KCNAB2: variants seen among roughly 807,000 people sequenced by gnomAD.
KCNAB2 encodes the protein potassium voltage-gated channel subfamily A regulatory beta subunit 2, also known as voltage-gated potassium channel subunit beta-2.
KCNAB2 carries 29 observed loss-of-function variants against 63.6 expected under a neutral mutation model. The ratio of observed to expected loss-of-function variants is 0.46; its 90% CI spans 0.34 to 0.62. The LOEUF (loss-of-function observed/expected upper bound fraction) is 0.62, where lower values mean the gene tolerates loss of function less well. Ranked by LOEUF, KCNAB2 falls within the 20% of genes least tolerant of loss-of-function variation. The pLI, the probability that KCNAB2 is intolerant of heterozygous loss-of-function variation, is 0.01. For missense variants in KCNAB2, 359 were observed against 563.9 expected (o/e 0.64, Z 3.68); for synonymous variants, 222 against 224.2 (o/e 0.99, Z 0.09).
In KCNAB2 at chr1:6,028,120, C is replaced by T. The variant is rs183943219; in HGVS notation, c.-52-12397C>T. 6.6e-6 allele frequency among the ~76,000 whole-genome samples: 1 copy of T among 152,340 alleles called. No individual in the cohort carries two copies. Among genetic ancestry groups the T allele is most frequent in the East Asian group, 1.9e-4 (1 of 5,188 alleles). ...CCAACGGCCCCCTAGGGTCTTGACC[C>T]CAGTGCACTCAGAGTCAGCACCTGC... On this transcript the variant is annotated intron_variant, in intron 1 of 16. Transcript: ENST00000341524. The surrounding 1 kb of genome is among the most constrained non-coding windows in gnomAD (Gnocchi z 4.0).
intron 1 of KCNAB2, among the ~76,000 whole-genome samples, chr1:5,999,908 C>A (rs934905259): frequency 1.4e-5 from 2 of 143,652 alleles, no homozygotes; most frequent in African/African-American, 5.4e-5. Context: ...GTCGTCTGTG[C>A]CCTGTCTGTG....
chr1:6,096,844 C>G lies in KCNAB2; in HGVS notation c.1069+88C>G. 7.0e-7 allele frequency: 1 copy of G among 1,424,312 alleles called. No individual in the cohort carries two copies. The highest frequency in any genetic ancestry group is 9.3e-7 in the Non-Finnish European group (1 of 1,072,308). The allele number at this position is 1,424,312 out of a possible 1,614,324, so 88.2% of individuals were successfully genotyped here. On this transcript the variant is annotated intron_variant, in intron 14 of 15. Coordinates refer to ENST00000378083, the MANE Select transcript of KCNAB2 (RefSeq NM_001199862.2). The surrounding 1 kb of genome is among the most constrained non-coding windows in gnomAD (Gnocchi z 5.9). ...GTAACAGGGTGGGGTTGCCATGGGG[C>G]CAGTGTCTCCGGGGAGAGAGGGAAG...
chr1:6,048,996 C>T (rs1661172438), intron 1 of KCNAB2, among the ~76,000 whole-genome samples: 1 of 152,222 alleles, frequency 6.6e-6, no homozygotes, highest in Non-Finnish European at 1.5e-5. Flanking sequence ...GCTTTCCATG[C>T]CAGGGTACCC....
At chr1:6,051,334 C>T (rs954162265) in intron 1 of KCNAB2, among the ~76,000 whole-genome samples, 177 bp from the exon 2 acceptor site, 12 of 152,246 alleles carry the variant, frequency 7.9e-5, no homozygotes, top group African/African-American at 2.9e-4. Context: ...GACTGAGAAT[C>T]TCATGCCAAG....
chr1:6,080,626 T>A (rs7513468), intron 4 of KCNAB2, among the ~76,000 whole-genome samples: 1 of 151,962 alleles, frequency 6.6e-6, no homozygotes, highest in Non-Finnish European at 1.5e-5. Context: ...TGAGTGCCAG[T>A]GTCGCCAGGC....
chr1:6,019,974 A>G (rs550525793), intron 1 of KCNAB2, among the ~76,000 whole-genome samples: 2 of 152,294 alleles, frequency 1.3e-5, no homozygotes, highest in Non-Finnish European at 2.9e-5. Context: ...TCAGCATGCA[A>G]AGGACCATGT....
intron 6 of KCNAB2, 54 bp downstream of exon 6, chr1:6,085,302 C>T: frequency 6.5e-7 from 1 of 1,540,848 alleles, no homozygotes; most frequent in Non-Finnish European, 9.0e-7. Flanking sequence ...GGCGAACTAT[C>T]CCAGGGTCAG....
At chr1:6,021,304 A>G (rs1284416307) in intron 1 of KCNAB2, among the ~76,000 whole-genome samples, 1 of 152,230 alleles carries the variant, frequency 6.6e-6, no homozygotes, top group Non-Finnish European at 1.5e-5. Flanking sequence ...ACCATGTGCC[A>G]TGTTTATTGA....
At chr1:6,083,051 C>T (rs1250290837) in intron 5 of KCNAB2, among the ~76,000 whole-genome samples, 1 of 152,192 alleles carries the variant, frequency 6.6e-6, no homozygotes, top group African/African-American at 2.4e-5. Flanking sequence ...AAGTTCCCAC[C>T]CAGAGCCTGG....
At chr1:6,020,962 G>A (rs934204077) in intron 1 of KCNAB2, among the ~76,000 whole-genome samples, 3 of 152,022 alleles carry the variant, frequency 2.0e-5, no homozygotes, top group Non-Finnish European at 4.4e-5. Context: ...CTGTAAACCT[G>A]TAAGGCCACC....
At chr1:6,066,519 G>C (rs780885927) in intron 2 of KCNAB2, among the ~76,000 whole-genome samples, 2 of 152,172 alleles carry the variant, frequency 1.3e-5, no homozygotes, top group Non-Finnish European at 2.9e-5. Flanking sequence ...TGAGGGCGCC[G>C]TCTTCCTTCC....
chr1:6,039,963 G>A (rs1660361572), intron 1 of KCNAB2, among the ~76,000 whole-genome samples: 1 of 152,238 alleles, frequency 6.6e-6, no homozygotes, highest in Non-Finnish European at 1.5e-5. Flanking sequence ...CACACTCCAG[G>A]ACAGGGGCTG....
At chr1:6,005,481 G>C (rs1348055451) in intron 1 of KCNAB2, among the ~76,000 whole-genome samples, 1 of 117,726 alleles carries the variant, frequency 8.5e-6, no homozygotes, top group Non-Finnish European at 1.9e-5. Context: ...TGGCAGCCCA[G>C]CTGAGGGCCT....
chr1:6,054,062 GA>G (rs1277884434), intron 2 of KCNAB2, among the ~76,000 whole-genome samples: 1 of 150,264 alleles, frequency 6.7e-6, no homozygotes, highest in Non-Finnish European at 1.5e-5. Flanking sequence ...AAAAAAAGAA[GA>G]AGAAGAAGAA....
At position 6,035,449 on chromosome 1, in the gene KCNAB2, G is replaced by C. The variant is rs1039665081; in HGVS notation, c.-53+655G>C. ...GGGAATGCTGTGAGGAGCAGCATGA[G>C]AGCCGGTGGCAGCTGGGCAGGAGAG... On this transcript the variant is annotated intron_variant, in intron 1 of 15. Coordinates refer to the KCNAB2 transcript ENST00000164247. This position sits in a 1 kb window ranked among gnomAD's most constrained non-coding sequence, Gnocchi z 5.0. Among the ~76,000 whole-genome samples, 4 of 152,166 alleles carry C rather than the reference G, an allele frequency of 2.6e-5. No homozygotes were observed. The highest frequency in any genetic ancestry group is 5.9e-5 in the Non-Finnish European group (4 of 68,018).
At position 6,003,107 on chromosome 1, in the gene KCNAB2, C is replaced by T. The variant is rs1657352526; in HGVS notation, c.-53+10319C>T. Among the ~76,000 whole-genome samples the T allele has an allele frequency of 6.6e-6, 1 of 152,202 alleles. No homozygotes were observed. The highest frequency in any genetic ancestry group is 2.4e-5 in the African/African-American group (1 of 41,454). ...CCAGGCGACCCGTTCACGGGGCGGG[C>T]GCTCGCCCTTGGCCTCGCTCCTGAG... On this transcript the variant is annotated intron_variant, in intron 1 of 16. Transcript: ENST00000341524. The surrounding 1 kb of genome is among the most constrained non-coding windows in gnomAD (Gnocchi z 4.1).
intron 2 of KCNAB2, among the ~76,000 whole-genome samples, chr1:6,055,854 T>C (rs1661778482): frequency 6.6e-6 from 1 of 152,202 alleles, no homozygotes; most frequent in African/African-American, 2.4e-5. Flanking sequence ...ATTCTGTGCT[T>C]ACCTCTTCTC....
chr1:6,013,051 C>T (rs556057286), intron 1 of KCNAB2, among the ~76,000 whole-genome samples: 2 of 152,124 alleles, frequency 1.3e-5, no homozygotes. Context: ...AGAACATGAC[C>T]TCCCATCGCT....
chr1:6,020,920 A>G (rs940520909), intron 1 of KCNAB2, among the ~76,000 whole-genome samples: 1 of 152,234 alleles, frequency 6.6e-6, no homozygotes, highest in East Asian at 1.9e-4. Flanking sequence ...TCGGCCTCCC[A>G]AAGTGTTGGG....
Sources: allele counts gnomAD v4.1 joint callset (sites outside exome capture counted in the v4.1 genomes callset), GRCh38; gene constraint gnomAD v4.1.1; non-coding constraint Gnocchi (gnomAD v3.1); transcripts MANE v1.5; gene names NCBI Gene and HGNC (gene_info 2026-07-23, HGNC 2026-07-21).